Variants in AMBN observed in about 807,000 individuals in gnomAD.
The protein encoded by AMBN is enamel matrix protein.
Under a neutral mutation model 48.0 loss-of-function variants are expected in AMBN, and 54 were observed. The observed-to-expected ratio is 1.12, with a 90% CI of 0.90 to 1.41. The LOEUF (loss-of-function observed/expected upper bound fraction) is 1.41. AMBN is among the 40% of genes most tolerant of loss of function. The pLI is 0.00. For synonymous variants in AMBN, 186 were observed against 190.0 expected, an observed-to-expected ratio of 0.98 and a Z score of 0.17; for missense variants, 571 against 547.3, an observed-to-expected ratio of 1.04 and a Z score of -0.43.
Position 70,606,451 on chromosome 4 carries a change from T to C in AMBN, c.1065T>C (p.Ala355=). ...LEPAPHAGLL[A]LPKDDIPGLP... is the part of the protein sequence containing the mutation. The stretch of plus-strand genomic sequence containing the variant: ...CTGCTCCCCACGCAGGGCTCCTTGC[T>C]CTCCCTAAGGATGACATTCCCGGCC... The change falls in exon 13 of 13, where the codon GCT becomes GCC. Residue 355 remains alanine, a synonymous_variant. Transcript: ENST00000322937. 3.1e-6 allele frequency: 5 copies of C among 1,613,880 alleles called. No homozygotes were observed. Among genetic ancestry groups the C allele is most frequent in the Non-Finnish European group, 4.2e-6 (5 of 1,179,960 alleles).
rs1737318750 is a variant in AMBN at position 70,593,414 on chromosome 4, T to C, written c.84+19T>C. 1 of 1,596,278 alleles carries C rather than the reference T, an allele frequency of 6.3e-7. No homozygotes were observed. The highest frequency in any genetic ancestry group is 8.6e-7 in the Non-Finnish European group (1 of 1,164,358). On this transcript the variant is annotated intron_variant, in intron 2 of 12. Transcript: ENST00000322937. Reference sequence around the variant, plus strand: ...AGTGCCGGTAAGTCAGTCTTTAGAGTGTGTCCCAGAAAAGGTTATTGATTG... The same window carrying C: ...AGTGCCGGTAAGTCAGTCTTTAGAGCGTGTCCCAGAAAAGGTTATTGATTG...
At position 70,592,292 on chromosome 4, in the gene AMBN, A is replaced by C. The variant is rs1577952612; in HGVS notation, c.-67A>C. On this transcript the variant is annotated 5_prime_UTR_variant, in exon 1 of 13. Transcript: ENST00000322937. Reference sequence around the variant, plus strand: ...AGCAAGTCCCACGCACAGTCCTGAAAAAAATTTTAATCTTCTTTTCTTAGA... The same window carrying C: ...AGCAAGTCCCACGCACAGTCCTGAACAAAATTTTAATCTTCTTTTCTTAGA... 6.3e-7 allele frequency: 1 copy of C among 1,585,628 alleles called. No homozygotes were observed. Among genetic ancestry groups the C allele is most frequent in the Non-Finnish European group, 8.7e-7 (1 of 1,155,076 alleles).
intron 12 of AMBN, among the ~76,000 whole-genome samples, 185 bp downstream of exon 12, chr4:70,604,106 T>C (rs1737587606): frequency 6.6e-6 from 1 of 152,218 alleles, no homozygotes; most frequent in Non-Finnish European, 1.5e-5. Context: ...TCCTATGTAA[T>C]CTTTCATTTC....
intron 6 of AMBN, among the ~76,000 whole-genome samples, chr4:70,602,114 G>A (rs990988987): frequency 1.3e-5 from 2 of 151,758 alleles, no homozygotes; most frequent in Admixed American, 6.6e-5. Context: ...AAGTGTAATG[G>A]ATTAAAAAAA....
chr4:70,602,722 AC>A, intron 7 of AMBN, 60 bp downstream of exon 7: 1 of 1,455,520 alleles, frequency 6.9e-7, no homozygotes, highest in African/African-American at 1.6e-5. Flanking sequence ...TTATTTGTTC[AC>A]TTTTTTATTT....
chr4:70,603,514 G>A, intron 11 of AMBN, 54 bp downstream of exon 11: 2 of 1,541,430 alleles, frequency 1.3e-6, no homozygotes, highest in South Asian at 2.4e-5. Context: ...TATCTTAAGA[G>A]CTAAAATTCA....
chr4:70,606,330 G>T lies in AMBN; in HGVS notation c.944G>T (p.Gly315Val). ...GACTCCCCAGTGGCTGCCACCAAAG[G>T]CCCTGAGAACGAAGAAGGAGGTGCA... Reference protein sequence around the residue: ...EFDSPVAATKGPENEEGGAQG... With the variant: ...EFDSPVAATKVPENEEGGAQG... The change falls in exon 13 of 13, where the codon GGC becomes GTC. Residue 315 changes from glycine to valine, a missense_variant. Coordinates refer to ENST00000322937, the MANE Select transcript of AMBN (RefSeq NM_016519.6). 6.2e-7 allele frequency: 1 copy of T among 1,614,046 alleles called. No homozygotes were observed. Among genetic ancestry groups the T allele is most frequent in the Non-Finnish European group, 8.5e-7 (1 of 1,179,980 alleles).
Position 70,597,053 on chromosome 4 carries a change from T to C in AMBN, c.135+4T>C, listed in dbSNP as rs774062263. The stretch of plus-strand genomic sequence containing the variant: ...TATGGCTAGTTTGAGCCTTGAGGTA[T>C]GTATTGTCAGAATTTTTAACATATT... On this transcript the variant is annotated splice_donor_region_variant and intron_variant, in intron 3 of 12. Transcript: ENST00000322937. 1.9e-6 allele frequency: 3 copies of C among 1,611,782 alleles called. No individual in the cohort carries two copies. The highest frequency in any genetic ancestry group is 2.2e-5 in the East Asian group (1 of 44,828).
chr4:70,601,052 G>A (rs887757170), intron 5 of AMBN, among the ~76,000 whole-genome samples: 1 of 152,190 alleles, frequency 6.6e-6, no homozygotes, highest in African/African-American at 2.4e-5. Context: ...TCTCTCCGTT[G>A]ACTGGGGGAC....
rs28509200 is a variant in AMBN at position 70,600,734 on chromosome 4, C to A, written c.295-684C>A. On this transcript the variant is annotated intron_variant, in intron 5 of 12. Transcript: ENST00000322937. ...TGGTGATTTTAACGGGGAATTTTTT[C>A]GTTTAATATATGGACTCAGAACCAA... 2.7e-4 allele frequency among the ~76,000 whole-genome samples: 41 copies of A among 151,888 alleles called. 1 individual carries two copies. Among genetic ancestry groups the A allele is most frequent in the Non-Finnish European group, 5.6e-4 (38 of 67,984 alleles).
Position 70,605,964 on chromosome 4 carries a change from G to A in AMBN, c.799-221G>A, listed in dbSNP as rs181160026. 2.5e-4 allele frequency among the ~76,000 whole-genome samples: 37 copies of A among 148,998 alleles called. 1 individual carries two copies. The East Asian group carries it at 5.8e-3, about 23-fold the overall frequency. ...TTCTGCCCTGTTATCTCCCTTTTAC[G>A]GAAATCATGCCGAGATCCACCCAGA... is the stretch of plus-strand genomic sequence containing the variant. On this transcript the variant is annotated intron_variant, in intron 12 of 12. Coordinates refer to ENST00000322937, the MANE Select transcript of AMBN (RefSeq NM_016519.6).
intron 12 of AMBN, among the ~76,000 whole-genome samples, chr4:70,605,304 C>T (rs1204156538): frequency 1.3e-5 from 2 of 152,128 alleles, no homozygotes; most frequent in African/African-American, 4.8e-5. Flanking sequence ...TAATTGCCAT[C>T]ACATAGTATT....
chr4:70,593,263 T>C lies in AMBN; in HGVS notation c.16-64T>C, dbSNP rs1400785183. 3.7e-6 allele frequency: 5 copies of C among 1,360,688 alleles called. No individual in the cohort carries two copies. The East Asian group carries it at 1.2e-4, about 32-fold the overall frequency. The allele number at this position is 1,360,688 out of a possible 1,614,324, so 84.3% of individuals were successfully genotyped here. On this transcript the variant is annotated intron_variant, in intron 1 of 12. Transcript: ENST00000322937. ...GAGACTCAGGCTCATTTTCAAAAAT[T>C]GTCTTTTAACCATTCTGAATAAAAA...
intron 12 of AMBN, 31 bp downstream of exon 12, chr4:70,603,952 T>C (rs1290646749): frequency 1.9e-6 from 3 of 1,610,280 alleles, no homozygotes; most frequent in Non-Finnish European, 2.5e-6. Context: ...CTTCTTAAAA[T>C]AGTGGCCAGG....
intron 2 of AMBN, among the ~76,000 whole-genome samples, chr4:70,595,329 A>G (rs967152933): frequency 5.9e-5 from 9 of 151,894 alleles, no homozygotes; most frequent in African/African-American, 2.2e-4. Context: ...CTGGGATTAC[A>G]GGCACGTGTC....
rs2109797998 is a variant in AMBN, at chr4:70,592,301, A to G, written c.-58A>G. ...CACGCACAGTCCTGAAAAAAATTTT[A>G]ATCTTCTTTTCTTAGAACTATCTTG... On this transcript the variant is annotated 5_prime_UTR_variant, in exon 1 of 13. Transcript: ENST00000322937. 6.2e-7 allele frequency: 1 copy of G among 1,603,222 alleles called. No individual in the cohort carries two copies. Among genetic ancestry groups the G allele is most frequent in the African/African-American group, 1.3e-5 (1 of 74,718 alleles).
intron 12 of AMBN, among the ~76,000 whole-genome samples, chr4:70,605,512 G>A (rs1577958068): frequency 6.6e-6 from 1 of 152,246 alleles, no homozygotes; most frequent in Middle Eastern, 3.4e-3. Context: ...ATTTCTGGCA[G>A]CAAAGGTAGA....
chr4:70,599,591 T>G lies in AMBN; in HGVS notation c.239T>G (p.Leu80Arg). ...SFNSLWMHGLLPPHSSLPWMR... is the reference protein window; with the variant it reads ...SFNSLWMHGLRPPHSSLPWMR... ...AATTCTTTGTGGATGCACGGTCTCC[T>G]CCCACCACATTCCTCTCTTCCATGG... The change falls in exon 5 of 13, where the codon CTC becomes CGC. Residue 80 changes from leucine (L) to arginine (R), a missense_variant. Physicochemically the swap from Leu to Arg is moderately radical, Grantham distance 102. Transcript: ENST00000322937. 1 of 1,613,808 alleles carries G rather than the reference T, an allele frequency of 6.2e-7. No individual in the cohort carries two copies. The highest frequency in any genetic ancestry group is 8.5e-7 in the Non-Finnish European group (1 of 1,179,850).
At chr4:70,601,713 G>T (rs566238707) in intron 6 of AMBN, 59 bp downstream of exon 6, 2 of 1,490,298 alleles carry the variant, frequency 1.3e-6, no homozygotes, top group Non-Finnish European at 1.8e-6. Context: ...AGAAGAAAAC[G>T]AATTTGCAGG....
Sources: allele counts gnomAD v4.1 joint callset (sites outside exome capture counted in the v4.1 genomes callset), GRCh38; gene constraint gnomAD v4.1.1; transcripts MANE v1.5; gene names NCBI Gene and HGNC (gene_info 2026-07-23, HGNC 2026-07-21).